The following DYNC2H1 variants were observed in gnomAD, a reference collection of about 807,000 sequenced individuals.
The protein encoded by DYNC2H1 is cytoplasmic dynein 2 heavy chain 1.
DYNC2H1 carries 410 observed loss-of-function variants against 570.0 expected under a neutral mutation model. That is an observed-to-expected ratio of 0.72 (90% CI 0.66 to 0.78). The LOEUF (loss-of-function observed/expected upper bound fraction) is 0.78. DYNC2H1 is among the 30% of genes least tolerant of loss of function. DYNC2H1 has a pLI of 0.00. For missense variants in DYNC2H1, 4,865 were observed against 5,046.4 expected (o/e 0.96, Z 1.09); for synonymous variants, 1,688 against 1,677.6 (o/e 1.01, Z -0.15).
rs1358249143 is a variant in DYNC2H1, at chr11:103,243,050, T to C, written c.9820-643T>C. Among the ~76,000 whole-genome samples, 1 of 152,120 alleles carries C rather than the reference T, an allele frequency of 6.6e-6. No homozygotes were observed. The highest frequency in any genetic ancestry group is 1.5e-5 in the Non-Finnish European group (1 of 68,016). On this transcript the variant is annotated intron_variant, in intron 63 of 88. Transcript: ENST00000375735. The surrounding 1 kb of genome is among the most constrained non-coding windows in gnomAD (Gnocchi z 4.8). ...AGTGCAGGATGTTCTATAATGAATT[T>C]AGTTTTTAGTTCATTTCATTAGATC...
At chr11:103,288,706 A>AAAAAG (rs1438138498) in intron 75 of DYNC2H1, among the ~76,000 whole-genome samples, 4 of 147,640 alleles carry the variant, frequency 2.7e-5, no homozygotes, top group East Asian at 4.1e-4. Flanking sequence ...AAAAAAAAAA[A>AAAAAG]AAAAGAAAAG....
chr11:103,422,295 T>A (rs980778670), intron 84 of DYNC2H1, among the ~76,000 whole-genome samples: 2 of 152,184 alleles, frequency 1.3e-5, no homozygotes, highest in African/African-American at 4.8e-5. Context: ...CTACTGCAAC[T>A]ATTCCAAAAA....
chr11:103,386,742 C>G (rs985189398), intron 83 of DYNC2H1, among the ~76,000 whole-genome samples: 9 of 151,966 alleles, frequency 5.9e-5, no homozygotes, highest in African/African-American at 2.2e-4. Context: ...TGAGTGAGAA[C>G]ATGTGGTGTT....
chr11:103,332,425 T>A (rs1196230383), intron 82 of DYNC2H1, among the ~76,000 whole-genome samples: 1 of 151,824 alleles, frequency 6.6e-6, no homozygotes, highest in Non-Finnish European at 1.5e-5. Context: ...AAGGACACCA[T>A]GCTGGATAAA....
Position 103,171,818 on chromosome 11 carries a change from A to AT in DYNC2H1, c.5334+759dup, listed in dbSNP as rs541159916. 2.8e-3 allele frequency among the ~76,000 whole-genome samples: 421 copies of AT among 151,226 alleles called. 1 individual carries two copies. Among genetic ancestry groups the AT allele is most frequent in the Non-Finnish European group, 4.8e-3 (327 of 67,728 alleles). ...CCAGGTCTGTCTAATTCTGAAGCAC[A>AT]TTTTTTTTTGTTTAACCTTCAAGCA... is the stretch of plus-strand genomic sequence containing the variant. On this transcript the variant is annotated intron_variant, in intron 34 of 88. Coordinates refer to ENST00000375735, the MANE Select transcript of DYNC2H1 (RefSeq NM_001377.3).
At position 103,120,697 on chromosome 11, in the gene DYNC2H1, G is replaced by T; in HGVS notation, c.1143G>T (p.Trp381Cys). The change falls in exon 8 of 89, where the codon TGG becomes TGT. Residue 381 changes from tryptophan to cysteine, a missense_variant. Transcript: ENST00000375735. ...VQYNPYTEPLWKAAVSQYEKI... is the reference protein window; with the variant it reads ...VQYNPYTEPLCKAAVSQYEKI... ...GTTGTTAATGTATGTAGCCCTTGTG[G>T]AAAGCTGCGGTGTCTCAATATGAAA... The T allele has an allele frequency of 6.2e-7, 1 of 1,611,230 alleles. No homozygotes were observed. Among genetic ancestry groups the T allele is most frequent in the Non-Finnish European group, 8.5e-7 (1 of 1,178,600 alleles).
rs578154765 is a variant in DYNC2H1, at chr11:103,205,251, A to C, written c.8454+287A>C. Among the ~76,000 whole-genome samples the C allele has an allele frequency of 6.6e-6, 1 of 152,168 alleles. No individual in the cohort carries two copies. Among genetic ancestry groups the C allele is most frequent in the East Asian group, 1.9e-4 (1 of 5,202 alleles). On this transcript the variant is annotated intron_variant, in intron 52 of 88. Transcript: ENST00000375735. This position sits in a 1 kb window ranked among gnomAD's most constrained non-coding sequence, Gnocchi z 4.5. ...CTATTACAGGCTGTCCTAGATTTTT[A>C]AAAAATCATAGCAAGTATTTAACAA...
chr11:103,245,291 T>C lies in DYNC2H1; in HGVS notation c.9959T>C (p.Phe3320Ser). 6.4e-7 allele frequency: 1 copy of C among 1,555,110 alleles called. No homozygotes were observed. Among genetic ancestry groups the C allele is most frequent in the Non-Finnish European group, 8.7e-7 (1 of 1,148,372 alleles). The change falls in exon 65 of 89, where the codon TTT (phenylalanine) becomes TCT (serine). Residue 3320 changes from phenylalanine (F) to serine (S), a missense_variant. Phe to Ser is a radical substitution (Grantham distance 155). Coordinates refer to ENST00000375735, the MANE Select transcript of DYNC2H1 (RefSeq NM_001377.3). This position sits in a 1 kb window ranked among gnomAD's most constrained non-coding sequence, Gnocchi z 4.5. ...ACAGCTCTTGAATTAGCAGTACGTT[T>C]TGGGAAAACCCTTATTATACAAGAG... ...FITALELAVR[F>S]GKTLIIQEMD...
At chr11:103,195,067 C>T (rs921349888) in intron 47 of DYNC2H1, among the ~76,000 whole-genome samples, 2 of 152,120 alleles carry the variant, frequency 1.3e-5, no homozygotes, top group African/African-American at 2.4e-5. Flanking sequence ...TTAGAGATAC[C>T]AATCCTTTGT....
chr11:103,371,927 GTTTTTTTTT>G (rs60335910), intron 83 of DYNC2H1, among the ~76,000 whole-genome samples: 35 of 67,898 alleles, frequency 5.2e-4, no homozygotes, highest in Middle Eastern at 0.016. Context: ...TCCCATTTGG[GTTTTTTTTT>G]TTTTTTTTTT....
chr11:103,127,421 T>C (rs1479354946), intron 12 of DYNC2H1, among the ~76,000 whole-genome samples: 1 of 152,206 alleles, frequency 6.6e-6, no homozygotes, highest in Non-Finnish European at 1.5e-5. Flanking sequence ...TATACTATTG[T>C]ATTGCTTCTG....
intron 83 of DYNC2H1, among the ~76,000 whole-genome samples, chr11:103,398,817 A>AT (rs748298576): frequency 2.6e-5 from 4 of 152,154 alleles, no homozygotes; most frequent in Non-Finnish European, 4.4e-5. Flanking sequence ...CAGAACTGTC[A>AT]TATATCACAG....
At chr11:103,124,961 C>T (rs1265012653) in intron 11 of DYNC2H1, 139 bp from the exon 12 acceptor site, 16 of 591,820 alleles carry the variant, frequency 2.7e-5, no homozygotes, top group Non-Finnish European at 4.4e-5. Context: ...AAACCCACAA[C>T]TTAAAAGCTA....
chr11:103,176,463 T>TTGA, intron 37 of DYNC2H1, 29 bp downstream of exon 37: 2 of 1,410,096 alleles, frequency 1.4e-6, no homozygotes, highest in Non-Finnish European at 1.9e-6. Context: ...TTATAATAGA[T>TTGA]TGATCCCTTT....
chr11:103,449,184 G>A (rs1242301705), intron 85 of DYNC2H1, among the ~76,000 whole-genome samples: 1 of 152,188 alleles, frequency 6.6e-6, no homozygotes, highest in Non-Finnish European at 1.5e-5. Flanking sequence ...CGGCAAGTGT[G>A]CCTGAAGGAA....
intron 70 of DYNC2H1, among the ~76,000 whole-genome samples, chr11:103,270,480 A>G (rs1319723): frequency 0.11 from 16,923 of 152,232 alleles, 974 homozygotes; most frequent in Non-Finnish European, 0.12. Flanking sequence ...ATAGTAAAAT[A>G]GAACAATTGT....
At chr11:103,258,188 G>T (rs1007405947) in intron 69 of DYNC2H1, among the ~76,000 whole-genome samples, 2 of 152,104 alleles carry the variant, frequency 1.3e-5, no homozygotes, top group African/African-American at 2.4e-5. Flanking sequence ...TCTAATGGAG[G>T]GAAGTATGTA....
In DYNC2H1 at chr11:103,129,215, C is replaced by T. The variant is rs556008718; in HGVS notation, c.1953+210C>T. On this transcript the variant is annotated intron_variant, in intron 13 of 88. Coordinates refer to ENST00000375735, the MANE Select transcript of DYNC2H1 (RefSeq NM_001377.3). This position sits in a 1 kb window ranked among gnomAD's most constrained non-coding sequence, Gnocchi z 4.1. ...ATTTCATATATTTTGGTACTGATTT[C>T]GATCAATTGCATTGATATAGATAGA... Among the ~76,000 whole-genome samples, 7 of 152,220 alleles carry T rather than the reference C, an allele frequency of 4.6e-5. No individual in the cohort carries two copies. The highest frequency in any genetic ancestry group is 2.1e-4 in the South Asian group (1 of 4,816).
intron 12 of DYNC2H1, among the ~76,000 whole-genome samples, chr11:103,127,288 T>C (rs1291051817): frequency 6.6e-6 from 1 of 152,228 alleles, no homozygotes; most frequent in African/African-American, 2.4e-5. Flanking sequence ...GTATTTACCC[T>C]GGAAGAACAA....
Sources: gnomAD v4.1 joint callset for allele counts (sites outside exome capture counted in the v4.1 genomes callset) on GRCh38, gnomAD v4.1.1 for gene constraint, Gnocchi (gnomAD v3.1) non-coding constraint, MANE v1.5 for transcripts, NCBI Gene and HGNC (gene_info 2026-07-23, HGNC 2026-07-21) for gene names.